The following CDH6 variants were observed in gnomAD, a reference collection of about 807,000 sequenced individuals.
CDH6 encodes the protein cadherin 6, also known as cadherin-6.
In CDH6, 31 loss-of-function variants were observed where a neutral mutation model predicts 78.0. The ratio of observed to expected loss-of-function variants is 0.40; its 90% confidence interval spans 0.30 to 0.54. CDH6 has a LOEUF of 0.54. Ranked by LOEUF, CDH6 falls within the 20% of genes least tolerant of loss-of-function variation. The pLI is 0.56. For missense variants in CDH6, 724 were observed against 975.9 expected (o/e 0.74, Z 3.44); for synonymous variants, 376 against 368.8 (o/e 1.02, Z -0.23).
chr5:31,281,331 G>T (rs534948968), intron 2 of CDH6, among the ~76,000 whole-genome samples: 1 of 151,070 alleles, frequency 6.6e-6, no homozygotes, highest in East Asian at 2.0e-4. Flanking sequence ...GAGAAAGGGG[G>T]CTGGGGGAGT....
intron 1 of CDH6, among the ~76,000 whole-genome samples, chr5:31,257,381 T>A (rs575906361): frequency 3.9e-5 from 6 of 151,924 alleles, no homozygotes; most frequent in African/African-American, 1.5e-4. Flanking sequence ...GCCGGGATGG[T>A]CCCGATCTCC....
chr5:31,325,291 T>C lies in CDH6; in HGVS notation c.*1983T>C. ...TTGAGCTATTTCCTGCTTTCAGGGT[T>C]TCTTTTTTCTAGTTCTTCATACACA... On this transcript the variant is annotated 3_prime_UTR_variant, in exon 12 of 12. Transcript: ENST00000265071. 4.4e-6 allele frequency: 1 copy of C among 226,798 alleles called. No individual in the cohort carries two copies. The highest frequency in any genetic ancestry group is 8.6e-6 in the Non-Finnish European group (1 of 116,406). The allele number at this position is 226,798 out of a possible 1,614,324, so 14.0% of individuals were successfully genotyped here.
chr5:31,244,146 CT>C (rs1275083491), intron 1 of CDH6, among the ~76,000 whole-genome samples: 1 of 152,056 alleles, frequency 6.6e-6, no homozygotes. Context: ...ATTTTTCTAA[CT>C]GAATTAAGCC....
At chr5:31,230,741 T>A (rs1279594866) in intron 1 of CDH6, among the ~76,000 whole-genome samples, 7 of 152,092 alleles carry the variant, frequency 4.6e-5, no homozygotes, top group African/African-American at 1.7e-4. Context: ...ATCCATTGAG[T>A]TTAATCAAAC....
chr5:31,210,816 G>C (rs530384462), intron 1 of CDH6, among the ~76,000 whole-genome samples: 1 of 151,730 alleles, frequency 6.6e-6, no homozygotes, highest in Admixed American at 6.6e-5. Flanking sequence ...TATTTTTTGG[G>C]TTTTTTTTCC....
chr5:31,286,729 A>G (rs932645976), intron 2 of CDH6, among the ~76,000 whole-genome samples: 1 of 152,146 alleles, frequency 6.6e-6, no homozygotes, highest in South Asian at 2.1e-4. Context: ...TCTTAAGTTG[A>G]TCTAGTTACA....
chr5:31,320,772 G>A (rs1214975046), intron 11 of CDH6, among the ~76,000 whole-genome samples: 1 of 152,106 alleles, frequency 6.6e-6, no homozygotes, highest in Non-Finnish European at 1.5e-5. Context: ...GAGGTCAGGA[G>A]TTCGAGACGA....
intron 7 of CDH6, 143 bp downstream of exon 7, chr5:31,305,570 C>A (rs1400604396): frequency 7.6e-6 from 6 of 791,154 alleles, no homozygotes; most frequent in Non-Finnish European, 9.9e-6. Context: ...CTAAACAGCA[C>A]CTTTAACTCT....
intron 1 of CDH6, among the ~76,000 whole-genome samples, chr5:31,245,534 C>T (rs1741720338): frequency 6.6e-6 from 1 of 152,118 alleles, no homozygotes; most frequent in African/African-American, 2.4e-5. Flanking sequence ...TTGTGTGTCC[C>T]AGCTCACGGG....
chr5:31,326,929 C>A lies in CDH6; in HGVS notation c.*3621C>A. On this transcript the variant is annotated 3_prime_UTR_variant, in exon 12 of 12. Transcript: ENST00000265071. ...CAGGATGATCTCCATCTCCTGACCT[C>A]GTGGTCCGCCCGCCTCGGCCTCCCA... 6.2e-6 allele frequency: 1 copy of A among 160,516 alleles called. No homozygotes were observed. Among genetic ancestry groups the A allele is most frequent in the East Asian group, 1.4e-4 (1 of 6,912 alleles). 9.9% of individuals were successfully genotyped at this position (160,516 alleles called of 1,614,324 possible).
intron 2 of CDH6, among the ~76,000 whole-genome samples, chr5:31,287,126 A>T (rs1262998778): frequency 6.6e-6 from 1 of 152,198 alleles, no homozygotes; most frequent in East Asian, 1.9e-4. Context: ...AGATAGATTT[A>T]GGCACTGATG....
intron 9 of CDH6, among the ~76,000 whole-genome samples, chr5:31,316,630 G>T (rs1738333193): frequency 6.6e-6 from 1 of 152,172 alleles, no homozygotes; most frequent in Admixed American, 6.5e-5. Flanking sequence ...ATTACCATAT[G>T]TACTTGAAGT....
At chr5:31,302,322 T>A in intron 6 of CDH6, 24 bp downstream of exon 6, 1 of 1,571,740 alleles carries the variant, frequency 6.4e-7, no homozygotes, top group Non-Finnish European at 8.7e-7. Flanking sequence ...TTAAACACCA[T>A]ACAGAGTGAA....
chr5:31,202,568 G>A (rs574426171), intron 1 of CDH6, among the ~76,000 whole-genome samples: 23 of 151,944 alleles, frequency 1.5e-4, no homozygotes, highest in Admixed American at 1.1e-3. Context: ...CCCAGGAGGC[G>A]GAGGTTGCAG....
At chr5:31,226,706 A>G (rs1172655635) in intron 1 of CDH6, among the ~76,000 whole-genome samples, 1 of 152,190 alleles carries the variant, frequency 6.6e-6, no homozygotes, top group Non-Finnish European at 1.5e-5. Context: ...GAAAACGGTC[A>G]GTTCAAACTC....
chr5:31,199,601 A>G (rs1740282087), intron 1 of CDH6, among the ~76,000 whole-genome samples: 1 of 147,082 alleles, frequency 6.8e-6, no homozygotes, highest in Non-Finnish European at 1.5e-5. Context: ...ACACATATAT[A>G]TATCATGGAT....
rs756761364 is a variant in CDH6, at chr5:31,317,434, G to A, written c.1572G>A (p.Ser524=). ...ACCCTTATAGTGGACACCAATTTTC[G>A]TTTTCCTTGGCCCCTGAAGCAGCCA... ...KDDPYSGHQF[S]FSLAPEAASG... is the part of the protein sequence containing the mutation. Residue 524 remains serine, a synonymous_variant, in exon 10 of 12, where the codon TCG becomes TCA. Coordinates refer to ENST00000265071, the MANE Select transcript of CDH6 (RefSeq NM_004932.4). 2.5e-6 allele frequency: 4 copies of A among 1,613,164 alleles called. No individual in the cohort carries two copies. The highest frequency in any genetic ancestry group is 1.7e-5 in the Admixed American group (1 of 59,964).
At chr5:31,309,134 T>C (rs1738078816) in intron 7 of CDH6, among the ~76,000 whole-genome samples, 1 of 152,142 alleles carries the variant, frequency 6.6e-6, no homozygotes, top group African/African-American at 2.4e-5. Flanking sequence ...TCAACCCTTT[T>C]GATAATAAAA....
In CDH6 at chr5:31,234,928, A is replaced by G. The variant is rs1300085365; in HGVS notation, c.-128-32418A>G. Among the ~76,000 whole-genome samples the G allele has an allele frequency of 2.0e-5, 3 of 152,222 alleles. No homozygotes were observed. The East Asian group carries it at 5.8e-4, about 29-fold the overall frequency. ...ATTAATTTCTTGCTCTATTAGCCTA[A>G]GTAACTCAAAGCATCCTGTCCCCAA... On this transcript the variant is annotated intron_variant, in intron 1 of 11. Transcript: ENST00000265071.
Sources: gnomAD v4.1 joint callset for allele counts (sites outside exome capture counted in the v4.1 genomes callset) on GRCh38, gnomAD v4.1.1 for gene constraint, MANE v1.5 for transcripts, NCBI Gene and HGNC (gene_info 2026-07-23, HGNC 2026-07-21) for gene names.